Variants in SHISA6 observed in about 807,000 individuals in gnomAD.
The protein encoded by SHISA6 is shisa family member 6.
A neutral mutation model predicts 47.9 loss-of-function variants in SHISA6; 22 were observed. The observed-to-expected ratio is 0.46, with a 90% CI of 0.33 to 0.66. SHISA6 has a LOEUF of 0.66. SHISA6 is among the 30% of genes least tolerant of loss of function. The probability of loss-of-function intolerance (pLI) is 0.02; values close to 1 mark genes in which losing one functional copy is unlikely to be tolerated. For synonymous variants in SHISA6, 388 were observed against 337.8 expected (o/e 1.15, Z -1.63); for missense variants, 680 against 764.6 (o/e 0.89, Z 1.30).
At chr17:11,388,827 TATATATATATATA>T (rs1913290029) in intron 3 of SHISA6, among the ~76,000 whole-genome samples, 3 of 100,162 alleles carry the variant, frequency 3.0e-5, no homozygotes, top group African/African-American at 1.3e-4. Context: ...TATATATATA[TATATATATATATA>T]TTTTAAAAAA....
At chr17:11,378,262 A>G (rs144124819) in intron 2 of SHISA6, among the ~76,000 whole-genome samples, 1 of 152,248 alleles carries the variant, frequency 6.6e-6, no homozygotes, top group Non-Finnish European at 1.5e-5. Flanking sequence ...GACAGAAGAA[A>G]TAGCACTCGT....
intron 3 of SHISA6, among the ~76,000 whole-genome samples, chr17:11,523,615 A>G (rs1299127755): frequency 6.6e-6 from 1 of 152,172 alleles, no homozygotes; most frequent in Non-Finnish European, 1.5e-5. Context: ...TGAAAATGGC[A>G]TGCTTTGATA....
At chr17:11,268,757 C>T (rs567488164) in intron 2 of SHISA6, among the ~76,000 whole-genome samples, 2 of 152,274 alleles carry the variant, frequency 1.3e-5, no homozygotes, top group East Asian at 3.9e-4. Flanking sequence ...TATCCTAGGA[C>T]CAAGAACATC....
At chr17:11,258,096 G>A (rs1908086411) in intron 1 of SHISA6, among the ~76,000 whole-genome samples, 1 of 152,156 alleles carries the variant, frequency 6.6e-6, no homozygotes, top group Non-Finnish European at 1.5e-5. Flanking sequence ...TTAGAAATAA[G>A]AACATTAACC....
chr17:11,480,702 T>A (rs934437424), intron 3 of SHISA6, among the ~76,000 whole-genome samples: 9 of 152,112 alleles, frequency 5.9e-5, no homozygotes, highest in African/African-American at 2.2e-4. Context: ...GCAATTATGG[T>A]CCCATGCTGT....
intron 3 of SHISA6, among the ~76,000 whole-genome samples, chr17:11,383,741 T>C (rs969724184): frequency 4.6e-5 from 7 of 152,230 alleles, no homozygotes; most frequent in Admixed American, 3.9e-4. Context: ...CATGTCTCCC[T>C]TTCTTGGTTC....
At chr17:11,355,534 G>A (rs1030673483) in intron 2 of SHISA6, among the ~76,000 whole-genome samples, 1 of 152,204 alleles carries the variant, frequency 6.6e-6, no homozygotes, top group Non-Finnish European at 1.5e-5. Flanking sequence ...CCTGATGGAA[G>A]GACAAGGGGA....
chr17:11,242,079 G>A lies in SHISA6; in HGVS notation c.638+19G>A. On this transcript the variant is annotated intron_variant, in intron 1 of 5. Transcript: ENST00000441885. ...TCCACAGGTGAGAGCGCCGCGTGCC[G>A]CGCGCCCCGGTCTCCCCGCGGCCTC... 6.5e-7 allele frequency: 1 copy of A among 1,548,738 alleles called. No individual in the cohort carries two copies. The highest frequency in any genetic ancestry group is 1.2e-5 in the South Asian group (1 of 84,022).
At chr17:11,417,446 T>C (rs2142278374) in intron 3 of SHISA6, among the ~76,000 whole-genome samples, 1 of 152,314 alleles carries the variant, frequency 6.6e-6, no homozygotes, top group Non-Finnish European at 1.5e-5. Context: ...GATAACCAGC[T>C]AGATGGTGTT....
chr17:11,241,415 GC>G lies in SHISA6; in HGVS notation c.-4del. 1 of 1,140,852 alleles carries G rather than the reference GC, an allele frequency of 8.8e-7. No individual in the cohort carries two copies. The highest frequency in any genetic ancestry group is 2.2e-5 in the South Asian group (1 of 45,388). 70.7% of individuals were successfully genotyped at this position (1,140,852 alleles called of 1,614,324 possible). Reference sequence around the variant, plus strand: ...AAGCCTCCCCGCGCCCTCCCGCCCGGCCCCGCCATGGCGCTGCGGCGCCTCC... The same window carrying G: ...AAGCCTCCCCGCGCCCTCCCGCCCGGCCCGCCATGGCGCTGCGGCGCCTCC... On this transcript the variant is annotated 5_prime_UTR_variant, in exon 1 of 6. Transcript: ENST00000441885. The surrounding 1 kb of genome is among the most constrained non-coding windows in gnomAD (Gnocchi z 5.5).
intron 2 of SHISA6, among the ~76,000 whole-genome samples, chr17:11,315,099 AT>A (rs1264499453): frequency 6.6e-6 from 1 of 152,184 alleles, no homozygotes; most frequent in Non-Finnish European, 1.5e-5. Flanking sequence ...ATCCAGAAAT[AT>A]GTCTTTTCAG....
chr17:11,505,644 A>C (rs1031094868), intron 3 of SHISA6, among the ~76,000 whole-genome samples: 2 of 152,232 alleles, frequency 1.3e-5, no homozygotes, highest in Non-Finnish European at 2.9e-5. Flanking sequence ...ATGAACAAAG[A>C]CTGAACCAGG....
intron 3 of SHISA6, among the ~76,000 whole-genome samples, chr17:11,476,534 C>G (rs2969219): frequency 0.64 from 96,557 of 151,634 alleles, 31,686 homozygotes; most frequent in African/African-American, 0.8. Context: ...TGTTTGACTC[C>G]TGTTATTTAG....
chr17:11,544,312 T>C (rs1025110538), intron 3 of SHISA6, among the ~76,000 whole-genome samples: 8 of 152,220 alleles, frequency 5.3e-5, no homozygotes, highest in African/African-American at 1.9e-4. Context: ...GCAAACCTTC[T>C]ATCTAATAAT....
intron 3 of SHISA6, among the ~76,000 whole-genome samples, chr17:11,403,954 C>T (rs1235129641): frequency 6.6e-6 from 1 of 152,222 alleles, no homozygotes; most frequent in African/African-American, 2.4e-5. Flanking sequence ...AGGGCTCAGA[C>T]ATGCCCAGGG....
chr17:11,338,744 C>A (rs1374555831), intron 2 of SHISA6, among the ~76,000 whole-genome samples: 1 of 152,128 alleles, frequency 6.6e-6, no homozygotes, highest in East Asian at 1.9e-4. Flanking sequence ...AAAGATTTAT[C>A]TGTCTTTTCA....
At chr17:11,407,442 ATCAG>A (rs1913996568) in intron 3 of SHISA6, among the ~76,000 whole-genome samples, 1 of 152,072 alleles carries the variant, frequency 6.6e-6, no homozygotes, top group Non-Finnish European at 1.5e-5. Flanking sequence ...AGAATGGACC[ATCAG>A]GGTTCTCTAT....
chr17:11,384,201 A>T (rs142573326), intron 3 of SHISA6, among the ~76,000 whole-genome samples: 195 of 152,348 alleles, frequency 1.3e-3, no homozygotes, highest in African/African-American at 4.5e-3. Flanking sequence ...GATTCTGAAG[A>T]TCTGCTGCTG....
chr17:11,446,026 C>T (rs1915223524), intron 3 of SHISA6, among the ~76,000 whole-genome samples: 1 of 152,116 alleles, frequency 6.6e-6, no homozygotes, highest in Non-Finnish European at 1.5e-5. Flanking sequence ...TGGGGTTTCA[C>T]CATATTGGTC....
Sources: gnomAD v4.1 joint callset for allele counts (sites outside exome capture counted in the v4.1 genomes callset) on GRCh38, gnomAD v4.1.1 for gene constraint, Gnocchi (gnomAD v3.1) non-coding constraint, MANE v1.5 for transcripts, NCBI Gene and HGNC (gene_info 2026-07-23, HGNC 2026-07-21) for gene names.